Variants in TRIM2 observed in about 807,000 individuals in gnomAD.
The protein encoded by TRIM2 is tripartite motif-containing protein 2.
Under a neutral mutation model 75.2 loss-of-function variants are expected in TRIM2, and 20 were observed. The ratio of observed to expected loss-of-function variants is 0.27; its 90% CI spans 0.19 to 0.39. TRIM2 has a LOEUF of 0.39. Ranked by LOEUF, TRIM2 falls within the 10% of genes least tolerant of loss-of-function variation. The probability of loss-of-function intolerance (pLI) is 1.00; values close to 1 mark genes in which losing one functional copy is unlikely to be tolerated. For missense variants in TRIM2, 660 were observed against 990.8 expected (o/e 0.67, Z 4.48); for synonymous variants, 373 against 388.3 (o/e 0.96, Z 0.46).
rs553825739 is a variant in TRIM2, at chr4:153,266,072, C to T, written c.31-4263C>T. On this transcript the variant is annotated intron_variant, in intron 1 of 11. Coordinates refer to ENST00000338700, the MANE Select transcript of TRIM2 (RefSeq NM_015271.5). ...TAGCAGATAATGGTGGCTGATCAGA[C>T]GTCATACCTATACCGTTTAACTATG... Among the ~76,000 whole-genome samples, 18 of 152,316 alleles carry T rather than the reference C, an allele frequency of 1.2e-4. No homozygotes were observed. The South Asian group carries it at 1.2e-3, about 11-fold the overall frequency.
intron 1 of TRIM2, among the ~76,000 whole-genome samples, chr4:153,215,337 T>C (rs1020708314): frequency 6.6e-6 from 1 of 152,042 alleles, no homozygotes; most frequent in Non-Finnish European, 1.5e-5. Context: ...TCAAGGATCA[T>C]GAGTCTGGGG....
chr4:153,243,909 C>T (rs1434365979), intron 1 of TRIM2, among the ~76,000 whole-genome samples: 2 of 151,116 alleles, frequency 1.3e-5, no homozygotes, highest in Admixed American at 1.3e-4. Context: ...GCCTCAACCT[C>T]CCGGGCTCAA....
chr4:153,313,175 G>C (rs1040407063), intron 6 of TRIM2, among the ~76,000 whole-genome samples: 1 of 152,032 alleles, frequency 6.6e-6, no homozygotes, highest in Non-Finnish European at 1.5e-5. Context: ...GAAACAACTC[G>C]CCATTTCACG....
intron 6 of TRIM2, among the ~76,000 whole-genome samples, chr4:153,302,590 G>T (rs988063704): frequency 8.5e-5 from 13 of 152,330 alleles, no homozygotes; most frequent in African/African-American, 2.9e-4. Flanking sequence ...GTACAGAAAG[G>T]TGAAGAGGAG....
At chr4:153,182,618 CAA>C (rs751716498) in intron 1 of TRIM2, among the ~76,000 whole-genome samples, 2 of 152,200 alleles carry the variant, frequency 1.3e-5, no homozygotes, top group African/African-American at 2.4e-5. Flanking sequence ...AAACCATAAA[CAA>C]GAGTTCATTT....
chr4:153,317,948 A>G (rs1285350309), intron 8 of TRIM2, among the ~76,000 whole-genome samples: 1 of 152,238 alleles, frequency 6.6e-6, no homozygotes, highest in Non-Finnish European at 1.5e-5. Flanking sequence ...TGACAGAGTA[A>G]GACCCTGTCT....
chr4:153,249,924 AAGAT>A (rs1750433719), intron 1 of TRIM2, among the ~76,000 whole-genome samples: 1 of 152,218 alleles, frequency 6.6e-6, no homozygotes, highest in Non-Finnish European at 1.5e-5. Flanking sequence ...GGGTATACTC[AAGAT>A]AGATAGAGTC....
At chr4:153,330,802 C>T (rs1231202183) in intron 11 of TRIM2, among the ~76,000 whole-genome samples, 3 of 152,148 alleles carry the variant, frequency 2.0e-5, no homozygotes, top group Non-Finnish European at 4.4e-5. Flanking sequence ...GCAAGGATGT[C>T]TGCAAGGATG....
intron 1 of TRIM2, among the ~76,000 whole-genome samples, chr4:153,212,719 C>G (rs1300071381): frequency 2.0e-5 from 3 of 152,084 alleles, no homozygotes; most frequent in Non-Finnish European, 4.4e-5. Flanking sequence ...TTTAGGAAAG[C>G]CTTTTCAGCT....
At chr4:153,268,679 C>G (rs2150027500) in intron 1 of TRIM2, among the ~76,000 whole-genome samples, 1 of 152,102 alleles carries the variant, frequency 6.6e-6, no homozygotes, top group East Asian at 1.9e-4. Context: ...GGTGTAGAAG[C>G]CAGGAATTCT....
chr4:153,170,824 C>A (rs933881075), intron 1 of TRIM2, among the ~76,000 whole-genome samples: 4 of 152,282 alleles, frequency 2.6e-5, no homozygotes, highest in Middle Eastern at 3.4e-3. Flanking sequence ...AAAGGGACAC[C>A]TTTTTCTAAT....
In TRIM2 at chr4:153,276,002, T is replaced by C; in HGVS notation, c.325T>C (p.Phe109Leu). 1 of 1,614,200 alleles carries C rather than the reference T, an allele frequency of 6.2e-7. No homozygotes were observed. Among genetic ancestry groups the C allele is most frequent in the Non-Finnish European group, 8.5e-7 (1 of 1,180,034 alleles). The change falls in exon 3 of 12, where the codon TTC becomes CTC. Residue 109 changes from phenylalanine (F) to leucine (L), a missense_variant. Phe to Leu is a conservative substitution (Grantham distance 22, BLOSUM62 0). Coordinates refer to ENST00000338700, the MANE Select transcript of TRIM2 (RefSeq NM_015271.5). ...KGVAALQNNF[F>L]ITNLMDVLQR... ...GGTGGCCGCGCTCCAGAACAATTTC[T>C]TCATCACAAACCTGATGGACGTGCT...
intron 1 of TRIM2, among the ~76,000 whole-genome samples, chr4:153,165,160 T>C (rs1730170935): frequency 6.6e-6 from 1 of 152,196 alleles, no homozygotes; most frequent in South Asian, 2.1e-4. Flanking sequence ...CCCAAGATGC[T>C]ATTGTTTGGG....
intron 9 of TRIM2, among the ~76,000 whole-genome samples, chr4:153,323,708 C>T (rs28432002): frequency 0.026 from 3,897 of 152,244 alleles, 106 homozygotes; most frequent in East Asian, 0.076. Context: ...CCACGTCTTT[C>T]CTTGGTGGGA....
At chr4:153,232,399 T>C (rs1369029241) in intron 1 of TRIM2, among the ~76,000 whole-genome samples, 1 of 152,190 alleles carries the variant, frequency 6.6e-6, no homozygotes, top group African/African-American at 2.4e-5. Context: ...CTTGGCAGGC[T>C]GAGGCAGAAG....
At chr4:153,252,075 C>T (rs1205214245) in intron 1 of TRIM2, among the ~76,000 whole-genome samples, 1 of 152,226 alleles carries the variant, frequency 6.6e-6, no homozygotes, top group African/African-American at 2.4e-5. Flanking sequence ...TTCTATCTAA[C>T]TGTAGCTTTA....
chr4:153,302,510 A>G (rs1010481621), intron 6 of TRIM2, among the ~76,000 whole-genome samples: 2 of 152,214 alleles, frequency 1.3e-5, no homozygotes, highest in Admixed American at 1.3e-4. Context: ...TGGGACTTTA[A>G]TGATGGGTAG....
chr4:153,224,191 C>T (rs577417038), intron 1 of TRIM2, among the ~76,000 whole-genome samples: 13 of 152,336 alleles, frequency 8.5e-5, no homozygotes, highest in South Asian at 2.1e-4. Context: ...AAGGCTTTGA[C>T]TACCTCACCC....
intron 3 of TRIM2, among the ~76,000 whole-genome samples, chr4:153,278,177 C>T (rs755548010): frequency 7.9e-5 from 12 of 152,202 alleles, no homozygotes; most frequent in Non-Finnish European, 1.2e-4. Context: ...ACGATCATGG[C>T]TCACTGAAGC....
Sources: gnomAD v4.1 joint callset for allele counts (sites outside exome capture counted in the v4.1 genomes callset) on GRCh38, gnomAD v4.1.1 for gene constraint, MANE v1.5 for transcripts, NCBI Gene and HGNC (gene_info 2026-07-23, HGNC 2026-07-21) for gene names.